GET3: variants seen among roughly 807,000 people sequenced by gnomAD.
GET3 encodes the protein guided entry of tail-anchored proteins factor 3, ATPase, also known as ATPase GET3.
A neutral mutation model predicts 32.4 loss-of-function variants in GET3; 15 were observed. That is an observed-to-expected ratio of 0.46 (90% CI 0.31 to 0.71). GET3 has a LOEUF of 0.71. Among genes scored for constraint, GET3 ranks in the 30% least tolerant of loss-of-function variants. The pLI is 0.05. For synonymous variants in GET3, 198 were observed against 185.6 expected (o/e 1.07, Z -0.54); for missense variants, 333 against 459.0 (o/e 0.73, Z 2.51).
At position 12,747,217 on chromosome 19, in the gene GET3, G is replaced by A; in HGVS notation, c.630G>A (p.Leu210=). The A allele has an allele frequency of 6.2e-7, 1 of 1,608,970 alleles. No individual in the cohort carries two copies. The highest frequency in any genetic ancestry group is 8.5e-7 in the Non-Finnish European group (1 of 1,177,540). ...FISQMCNMLG[L]GDMNADQLAS... ...TGCAGATGTGCAACATGCTGGGCCT[G>A]GGGGACATGAACGCAGACCAGCTGG... is the stretch of plus-strand genomic sequence containing the variant. Residue 210 remains leucine, a synonymous_variant, in exon 5 of 7, where the codon CTG becomes CTA. Transcript: ENST00000357332. The surrounding 1 kb of genome is among the most constrained non-coding windows in gnomAD (Gnocchi z 4.0).
intron 2 of GET3, among the ~76,000 whole-genome samples, chr19:12,739,495 G>A (rs978560666): frequency 1.1e-4 from 17 of 152,320 alleles, no homozygotes; most frequent in Admixed American, 9.8e-4. Context: ...AAACCAGTAA[G>A]ATTACTTGGG....
At chr19:12,738,134 A>AGGATACAAGCAAG (rs1967607136) in intron 1 of GET3, among the ~76,000 whole-genome samples, 1 of 152,158 alleles carries the variant, frequency 6.6e-6, no homozygotes, top group Non-Finnish European at 1.5e-5. Context: ...CTGGACAAGC[A>AGGATACAAGCAAG]GACTGAACCA....
chr19:12,740,040 G>C (rs1371665800), intron 2 of GET3, among the ~76,000 whole-genome samples: 1 of 151,684 alleles, frequency 6.6e-6, no homozygotes, highest in Non-Finnish European at 1.5e-5. Context: ...ACCATGCCCG[G>C]CTAATTTTTG....
chr19:12,748,187 C>T lies in GET3; in HGVS notation c.*83C>T, dbSNP rs142704625. 7.5e-7 allele frequency: 1 copy of T among 1,335,646 alleles called. No individual in the cohort carries two copies. The highest frequency in any genetic ancestry group is 1.0e-6 in the Non-Finnish European group (1 of 1,003,408). The allele number at this position is 1,335,646 out of a possible 1,614,324, so 82.7% of individuals were successfully genotyped here. On this transcript the variant is annotated 3_prime_UTR_variant, in exon 7 of 7. Transcript: ENST00000357332. ...CCTCGGGGCAGAGTTTGCACAAAGTCCCCCCCATAATACAGGGGGAGCCAC... is the reference window on the plus strand; with the variant it reads ...CCTCGGGGCAGAGTTTGCACAAAGTTCCCCCCATAATACAGGGGGAGCCAC...
chr19:12,740,791 C>T (rs994163028), intron 2 of GET3, among the ~76,000 whole-genome samples: 8 of 152,198 alleles, frequency 5.3e-5, no homozygotes, highest in Admixed American at 2.6e-4. Flanking sequence ...AGAACTTGGG[C>T]GCTGCCAGGG....
intron 2 of GET3, among the ~76,000 whole-genome samples, chr19:12,742,334 C>A (rs959168046): frequency 6.6e-6 from 1 of 150,558 alleles, no homozygotes; most frequent in East Asian, 2.0e-4. Context: ...TGAGTTTAAG[C>A]GATTCTCCTG....
intron 2 of GET3, among the ~76,000 whole-genome samples, chr19:12,740,282 G>A (rs1430105725): frequency 2.6e-5 from 4 of 152,130 alleles, no homozygotes; most frequent in Non-Finnish European, 5.9e-5. Flanking sequence ...TCAGGAGGCT[G>A]AGGCAGGAGA....
At position 12,740,876 on chromosome 19, in the gene GET3, TTC is replaced by T. The variant is rs1210709786; in HGVS notation, c.309+2222_309+2223del. ...GATGAGGGTGTTGGCAGCCAATGGC[TTC>T]TCTTTCTCACCAAGGAACAGGCAAG... On this transcript the variant is annotated intron_variant, in intron 2 of 6. Coordinates refer to ENST00000357332, the MANE Select transcript of GET3 (RefSeq NM_004317.4). 1.4e-4 allele frequency among the ~76,000 whole-genome samples: 22 copies of T among 152,196 alleles called. No individual in the cohort carries two copies. In the East Asian group the frequency reaches 3.9e-3, roughly 27 times the overall value.
Position 12,738,373 on chromosome 19 carries a change from C to A in GET3, c.162-138C>A. On this transcript the variant is annotated intron_variant, in intron 1 of 6. Coordinates refer to ENST00000357332, the MANE Select transcript of GET3 (RefSeq NM_004317.4). ...CTTTGTAGGGACTGAGGCTCAATCC[C>A]ACCATAACCCATACTCTCCTCTCAA... is the stretch of plus-strand genomic sequence containing the variant. The A allele has an allele frequency of 2.8e-6, 3 of 1,057,182 alleles. No homozygotes were observed. In the East Asian group the frequency reaches 7.4e-5, roughly 26 times the overall value. 65.5% of individuals were successfully genotyped at this position (1,057,182 alleles called of 1,614,324 possible). A position where few individuals can be genotyped will look rare whatever the true frequency, so the allele number is the denominator to read the frequency against.
In GET3 at chr19:12,747,113, A is replaced by G. The variant is rs1317131396; in HGVS notation, c.610-84A>G. 9.0e-7 allele frequency: 1 copy of G among 1,113,202 alleles called. No homozygotes were observed. Among genetic ancestry groups the G allele is most frequent in the East Asian group, 2.4e-5 (1 of 41,542 alleles). 69.0% of individuals were successfully genotyped at this position (1,113,202 alleles called of 1,614,324 possible). ...CCTTTAACCACTGGGAGGTATCAGG[A>G]GTCATCCCTCGGGTGTTTAGTGAAC... On this transcript the variant is annotated intron_variant, in intron 4 of 6. Coordinates refer to ENST00000357332, the MANE Select transcript of GET3 (RefSeq NM_004317.4). This position sits in a 1 kb window ranked among gnomAD's most constrained non-coding sequence, Gnocchi z 4.0.
chr19:12,748,217 G>A lies in GET3; in HGVS notation c.*113G>A. 1 of 1,072,640 alleles carries A rather than the reference G, an allele frequency of 9.3e-7. No individual in the cohort carries two copies. The highest frequency in any genetic ancestry group is 1.3e-6 in the Non-Finnish European group (1 of 792,266). 66.4% of individuals were successfully genotyped at this position (1,072,640 alleles called of 1,614,324 possible). A position where few individuals can be genotyped will look rare whatever the true frequency, so the allele number is the denominator to read the frequency against. Reference sequence around the variant, plus strand: ...CCATAATACAGGGGGAGCCACTTGGGCAGGAGGCAGGGAGGGGTCCATTCC... The same window carrying A: ...CCATAATACAGGGGGAGCCACTTGGACAGGAGGCAGGGAGGGGTCCATTCC... On this transcript the variant is annotated 3_prime_UTR_variant, in exon 7 of 7. Transcript: ENST00000357332.
chr19:12,737,263 T>C, upstream of GET3: 1 of 410,284 alleles, frequency 2.4e-6, no homozygotes, highest in African/African-American at 2.1e-5. Flanking sequence ...TGAAAGGGAG[T>C]AGCCTAGACC....
In GET3 at chr19:12,747,693, G is replaced by A; in HGVS notation, c.915+101G>A. 1 of 1,386,422 alleles carries A rather than the reference G, an allele frequency of 7.2e-7. No individual in the cohort carries two copies. The highest frequency in any genetic ancestry group is 9.8e-7 in the Non-Finnish European group (1 of 1,023,020). 85.9% of individuals were successfully genotyped at this position (1,386,422 alleles called of 1,614,324 possible). ...CTGGCCCTCTGCCCTCTAGCCTCCT[G>A]CCCTTTGCCCCCACATTTCAGATCC... On this transcript the variant is annotated intron_variant, in intron 6 of 6. Transcript: ENST00000357332. The surrounding 1 kb of genome is among the most constrained non-coding windows in gnomAD (Gnocchi z 4.0).
chr19:12,748,260 G>A lies in GET3; in HGVS notation c.*156G>A, dbSNP rs8177500. The A allele has an allele frequency of 6.0e-3, 4,025 of 673,964 alleles. 147 individuals carry two copies. In the African/African-American group the frequency reaches 0.066, roughly 11 times the overall value. 41.7% of individuals were successfully genotyped at this position (673,964 alleles called of 1,614,324 possible). A position where few individuals can be genotyped will look rare whatever the true frequency, so the allele number is the denominator to read the frequency against. On this transcript the variant is annotated 3_prime_UTR_variant, in exon 7 of 7. Coordinates refer to ENST00000357332, the MANE Select transcript of GET3 (RefSeq NM_004317.4). ...TCCATTCCCCCTGGTGGGGCTGGTG[G>A]GGAGCTGTAGTTGCCCCCTACCTCT...
intron 2 of GET3, among the ~76,000 whole-genome samples, chr19:12,740,237 T>C (rs1161171144): frequency 6.6e-6 from 1 of 150,662 alleles, no homozygotes; most frequent in Non-Finnish European, 1.5e-5. Flanking sequence ...AAAAAATAGC[T>C]GGGCATGGTG....
At chr19:12,741,416 A>G (rs189924097) in intron 2 of GET3, among the ~76,000 whole-genome samples, 18 of 150,214 alleles carry the variant, frequency 1.2e-4, no homozygotes, top group Non-Finnish European at 1.3e-4. Flanking sequence ...AGATCGCGCC[A>G]CTGCACTCCA....
intron 4 of GET3, among the ~76,000 whole-genome samples, chr19:12,746,736 G>A (rs150991343): frequency 5.9e-5 from 9 of 152,242 alleles, no homozygotes; most frequent in African/African-American, 1.4e-4. Context: ...GAGGCCGGCC[G>A]CAGTGGCTCA....
At chr19:12,737,287 C>T (rs1213600122), upstream of GET3, 3 of 589,962 alleles carry the variant, frequency 5.1e-6, no homozygotes, top group African/African-American at 1.9e-5. Context: ...CCGATGTGTT[C>T]ATTAGGTAGG....
intron 1 of GET3, 99 bp from the exon 2 acceptor site, chr19:12,738,412 T>G (rs1967610853): frequency 1.3e-6 from 2 of 1,485,620 alleles, no homozygotes; most frequent in East Asian, 2.3e-5. Flanking sequence ...CCCTGCTGAT[T>G]CGGGTCACCT....
Sources: allele counts gnomAD v4.1 joint callset (sites outside exome capture counted in the v4.1 genomes callset), GRCh38; gene constraint gnomAD v4.1.1; non-coding constraint Gnocchi (gnomAD v3.1); transcripts MANE v1.5; gene names NCBI Gene and HGNC (gene_info 2026-07-23, HGNC 2026-07-21).